TEAD4: variants seen among roughly 807,000 people sequenced by gnomAD.
TEAD4 encodes the protein TEA domain transcription factor 4, also known as transcriptional enhancer factor TEF-3.
A neutral mutation model predicts 52.4 loss-of-function variants in TEAD4; 36 were observed. The observed-to-expected ratio is 0.69, with a 90% CI of 0.53 to 0.91. The LOEUF (loss-of-function observed/expected upper bound fraction) is 0.91. TEAD4 is among the 40% of genes least tolerant of loss of function. The pLI is 0.00. For synonymous variants in TEAD4, 220 were observed against 231.0 expected (o/e 0.95, Z 0.43); for missense variants, 508 against 583.9 (o/e 0.87, Z 1.34).
chr12:2,973,846 G>C (rs958235782), intron 2 of TEAD4, among the ~76,000 whole-genome samples: 1 of 152,110 alleles, frequency 6.6e-6, no homozygotes, highest in Admixed American at 6.6e-5. Context: ...GTGCCTTCTG[G>C]AATGGGAGGC....
At chr12:3,032,226 A>T (rs2098276085) in intron 10 of TEAD4, among the ~76,000 whole-genome samples, 1 of 151,944 alleles carries the variant, frequency 6.6e-6, no homozygotes, top group African/African-American at 2.4e-5. Context: ...GGGAGTTTGG[A>T]GGTGGGGGTT....
intron 10 of TEAD4, among the ~76,000 whole-genome samples, chr12:3,034,931 T>TAA (rs35998140): frequency 2.7e-5 from 4 of 145,994 alleles, no homozygotes; most frequent in African/African-American, 2.5e-5. Flanking sequence ...CCACCTCTAC[T>TAA]AAAAAAAAAA....
intron 3 of TEAD4, among the ~76,000 whole-genome samples, chr12:3,000,704 A>G (rs1183951891): frequency 1.3e-5 from 2 of 152,116 alleles, no homozygotes; most frequent in East Asian, 3.9e-4. Flanking sequence ...ATCAGTCTAG[A>G]GGCGAGACTT....
At chr12:2,989,227 C>T (rs1215191521) in intron 2 of TEAD4, among the ~76,000 whole-genome samples, 1 of 152,102 alleles carries the variant, frequency 6.6e-6, no homozygotes, top group Non-Finnish European at 1.5e-5. Context: ...TAGGTATGAG[C>T]CACCATGCCC....
chr12:3,023,786 G>A (rs564964900), intron 10 of TEAD4, among the ~76,000 whole-genome samples: 5 of 67,224 alleles, frequency 7.4e-5, no homozygotes, highest in African/African-American at 1.8e-4. Flanking sequence ...GAGCGAGACT[G>A]TCTCAAAAAA....
Position 3,040,527 on chromosome 12 carries a change from G to A in TEAD4, c.*49G>A, listed in dbSNP as rs764145517. 1.9e-6 allele frequency: 3 copies of A among 1,554,460 alleles called. No homozygotes were observed. The East Asian group carries it at 6.8e-5, about 35-fold the overall frequency. ...GGAAGAGACGTGTGTGCAGGAAACG[G>A]GGACGTGGGGAGGGGACCTGCAGGG... On this transcript the variant is annotated 3_prime_UTR_variant, in exon 13 of 13. Transcript: ENST00000359864.
intron 10 of TEAD4, among the ~76,000 whole-genome samples, chr12:3,036,800 A>G (rs1477588184): frequency 6.6e-6 from 1 of 152,178 alleles, no homozygotes; most frequent in Non-Finnish European, 1.5e-5. Flanking sequence ...GTAGGGCTTC[A>G]GGAATACAAT....
chr12:2,992,370 G>GT (rs1411922133), intron 2 of TEAD4, among the ~76,000 whole-genome samples: 3 of 152,064 alleles, frequency 2.0e-5, no homozygotes, highest in Non-Finnish European at 4.4e-5. Flanking sequence ...CTGCATGTCT[G>GT]TGCCAGCTGC....
intron 2 of TEAD4, among the ~76,000 whole-genome samples, chr12:2,969,970 G>A (rs1319629464): frequency 6.6e-6 from 1 of 152,130 alleles, no homozygotes; most frequent in Admixed American, 6.6e-5. Flanking sequence ...TTTTGCCCAT[G>A]GTCCCAGTTA....
chr12:2,985,851 C>T (rs12300431), intron 2 of TEAD4, among the ~76,000 whole-genome samples: 20,588 of 149,860 alleles, frequency 0.14, 1,637 homozygotes, highest in African/African-American at 0.21. Context: ...TTTGGGAGGC[C>T]GAGGCGGGTG....
rs768519934 is a variant in TEAD4, at chr12:3,038,002, GCTC to G, written c.935_937del (p.Ser312del). The G allele has an allele frequency of 1.9e-6, 3 of 1,614,038 alleles. No homozygotes were observed. In the Admixed American group the frequency reaches 5.0e-5, roughly 27 times the overall value. The stretch of plus-strand genomic sequence containing the variant: ...AACACCAACATCGAGGATGAAGGCA[GCTC>G]CTTCTATGGGGTCTCCAGCCAGTAT... On this transcript the variant is annotated inframe_deletion, in exon 11 of 13. Coordinates refer to ENST00000359864, the MANE Select transcript of TEAD4 (RefSeq NM_003213.4).
chr12:3,037,782 C>T (rs947891313), intron 10 of TEAD4, among the ~76,000 whole-genome samples, 186 bp from the exon 11 acceptor site: 6 of 152,266 alleles, frequency 3.9e-5, no homozygotes, highest in Admixed American at 3.3e-4. Context: ...TTAGGCAACA[C>T]GACCTGATTT....
chr12:3,040,283 T>G, intron 12 of TEAD4, 24 bp downstream of exon 12: 1 of 1,614,076 alleles, frequency 6.2e-7, no homozygotes, highest in Non-Finnish European at 8.5e-7. Flanking sequence ...GCTGCGGGTG[T>G]GGCTGGAGTC....
At chr12:2,981,192 A>G (rs2098233823) in intron 2 of TEAD4, among the ~76,000 whole-genome samples, 1 of 152,172 alleles carries the variant, frequency 6.6e-6, no homozygotes, top group Admixed American at 6.5e-5. Context: ...GCCCTCCCAC[A>G]AGTGCTGGGC....
chr12:3,021,232 A>AG (rs1471174739), intron 9 of TEAD4, among the ~76,000 whole-genome samples: 1 of 151,776 alleles, frequency 6.6e-6, no homozygotes, highest in Non-Finnish European at 1.5e-5. Context: ...TCACCTGCAA[A>AG]GGTCAGAGGG....
In TEAD4 at chr12:3,010,899, CAG is replaced by C. The variant is rs543403346; in HGVS notation, c.227-100_227-99del. The C allele has an allele frequency of 2.1e-3, 2,660 of 1,253,536 alleles. 7 individuals carry two copies. The highest frequency in any genetic ancestry group is 2.7e-3 in the Non-Finnish European group (2,331 of 869,996). 77.7% of individuals were successfully genotyped at this position (1,253,536 alleles called of 1,614,324 possible). On this transcript the variant is annotated intron_variant, in intron 3 of 12. Coordinates refer to ENST00000359864, the MANE Select transcript of TEAD4 (RefSeq NM_003213.4). ...ACCCCACAAATCCGCTTAGGATGGG[CAG>C]AGAGTGAGGGCAGGGCTCCTCCGCA...
chr12:3,018,832 G>A (rs375377007), intron 7 of TEAD4, among the ~76,000 whole-genome samples: 95 of 152,264 alleles, frequency 6.2e-4, no homozygotes, highest in African/African-American at 2.2e-3. Context: ...TATAGGCAGG[G>A]CCAGAGCTGG....
At chr12:2,988,412 G>T (rs2098240396) in intron 2 of TEAD4, among the ~76,000 whole-genome samples, 1 of 151,612 alleles carries the variant, frequency 6.6e-6, no homozygotes, top group African/African-American at 2.4e-5. Context: ...CCAGCTACTT[G>T]GGAGGCTGAG....
intron 3 of TEAD4, among the ~76,000 whole-genome samples, chr12:2,996,007 CAAAA>C (rs553074088): frequency 8.3e-6 from 1 of 119,860 alleles, no homozygotes; most frequent in Admixed American, 8.8e-5. Context: ...GGCCCTGTTT[CAAAA>C]AAAAAAAAAA....
Sources: gnomAD v4.1 joint callset for allele counts (sites outside exome capture counted in the v4.1 genomes callset) on GRCh38, gnomAD v4.1.1 for gene constraint, MANE v1.5 for transcripts, NCBI Gene and HGNC (gene_info 2026-07-23, HGNC 2026-07-21) for gene names.